Variants in SLC71A2 observed in about 807,000 individuals in gnomAD.
The protein encoded by SLC71A2 is hippocampus abundant transcript-like 1.
the SLC71A2 span, among the ~76,000 whole-genome samples, chr9:94,431,887 C>T: frequency 3.9e-5 from 6 of 152,208 alleles, no homozygotes; most frequent in Non-Finnish European, 7.3e-5. Context: ...TACCTGGTTC[C>T]AGCTTCAGGA....
chr9:94,447,037 G>A, the SLC71A2 span: 8 of 646,610 alleles, frequency 1.2e-5, no homozygotes, highest in Non-Finnish European at 1.9e-5. Flanking sequence ...GAAAAAACAT[G>A]TGAACTTGCT....
At chr9:94,392,692 G>T in the SLC71A2 span, among the ~76,000 whole-genome samples, 3 of 152,062 alleles carry the variant, frequency 2.0e-5, no homozygotes, top group African/African-American at 7.2e-5. Flanking sequence ...GTAGAGACGG[G>T]GTTTCACCAT....
the SLC71A2 span, among the ~76,000 whole-genome samples, chr9:94,450,528 C>A: frequency 9.3e-5 from 8 of 85,870 alleles, no homozygotes; most frequent in African/African-American, 4.6e-4. Flanking sequence ...CTCACTTTGT[C>A]GCCCAGGCTG....
At chr9:94,389,526 G>A in the SLC71A2 span, among the ~76,000 whole-genome samples, 71,428 of 148,634 alleles carry the variant, frequency 0.48, 17,460 homozygotes, top group East Asian at 0.59. Flanking sequence ...TGTTCTGCCC[G>A]CCTTGGCCTC....
At chr9:94,430,063 C>T in the SLC71A2 span, among the ~76,000 whole-genome samples, 8 of 151,524 alleles carry the variant, frequency 5.3e-5, no homozygotes, top group Admixed American at 1.3e-4. Flanking sequence ...CACCACCACG[C>T]CCAGCTGATT....
the SLC71A2 span, among the ~76,000 whole-genome samples, chr9:94,384,472 T>TGA: frequency 5.7e-4 from 87 of 152,034 alleles, no homozygotes; most frequent in African/African-American, 1.9e-3. Context: ...CCCAAGTAGC[T>TGA]GAGAGTACAG....
chr9:94,441,492 AC>A, the SLC71A2 span, among the ~76,000 whole-genome samples: 1 of 152,100 alleles, frequency 6.6e-6, no homozygotes, highest in African/African-American at 2.4e-5. Context: ...ATGAGAAACT[AC>A]CCCCATGATC....
chr9:94,407,553 A>T, the SLC71A2 span, among the ~76,000 whole-genome samples: 2 of 151,964 alleles, frequency 1.3e-5, no homozygotes, highest in South Asian at 4.2e-4. Context: ...TAATTTTTGT[A>T]TTCTTGGAAG....
the SLC71A2 span, chr9:94,441,030 G>A: frequency 1.5e-5 from 24 of 1,610,912 alleles, no homozygotes; most frequent in South Asian, 1.2e-4. Context: ...TCTCGGTCAC[G>A]TTTTCTGTTA....
the SLC71A2 span, chr9:94,458,461 G>A: frequency 1.2e-6 from 2 of 1,613,568 alleles, no homozygotes; most frequent in Non-Finnish European, 8.5e-7. Flanking sequence ...ACGTTCCCCT[G>A]CAGGTAATTT....
the SLC71A2 span, chr9:94,460,804 G>T: frequency 6.6e-6 from 1 of 152,256 alleles, no homozygotes; most frequent in African/African-American, 2.4e-5. Flanking sequence ...ACATTTAAAA[G>T]AAAATATATT....
At chr9:94,452,082 C>T in the SLC71A2 span, among the ~76,000 whole-genome samples, 26 of 152,182 alleles carry the variant, frequency 1.7e-4, no homozygotes, top group Non-Finnish European at 3.4e-4. Context: ...GAATATTTGT[C>T]GTAACCTCTG....
chr9:94,382,201 A>AT, the SLC71A2 span, among the ~76,000 whole-genome samples: 1 of 151,468 alleles, frequency 6.6e-6, no homozygotes, highest in African/African-American at 2.4e-5. Context: ...TAATTTTTTA[A>AT]TTTTTTATAG....
At chr9:94,453,401 G>T in the SLC71A2 span, among the ~76,000 whole-genome samples, 1 of 152,070 alleles carries the variant, frequency 6.6e-6, no homozygotes, top group African/African-American at 2.4e-5. Flanking sequence ...GCTTGCCTCG[G>T]CCTCCCAAAG....
the SLC71A2 span, among the ~76,000 whole-genome samples, chr9:94,446,261 C>G: frequency 8.5e-5 from 13 of 152,188 alleles, no homozygotes; most frequent in African/African-American, 2.9e-4. Flanking sequence ...CCATTTTGTT[C>G]TATTCAACAA....
At chr9:94,400,320 A>T in the SLC71A2 span, among the ~76,000 whole-genome samples, 1 of 152,042 alleles carries the variant, frequency 6.6e-6, no homozygotes, top group Admixed American at 6.6e-5. Flanking sequence ...TCTCATTGTC[A>T]AATGGTGATT....
the SLC71A2 span, among the ~76,000 whole-genome samples, chr9:94,386,587 C>G: frequency 6.6e-5 from 10 of 152,138 alleles, no homozygotes; most frequent in South Asian, 8.3e-4. Context: ...CTGGGCTTCT[C>G]TCTCTCTCTC....
the SLC71A2 span, among the ~76,000 whole-genome samples, chr9:94,419,698 C>A: frequency 0.062 from 9,486 of 152,086 alleles, 444 homozygotes; most frequent in African/African-American, 0.13. Flanking sequence ...CCTCAGCTTC[C>A]CAAAGCATTG....
chr9:94,452,037 T>C, the SLC71A2 span, among the ~76,000 whole-genome samples: 1 of 152,198 alleles, frequency 6.6e-6, no homozygotes, highest in Non-Finnish European at 1.5e-5. Context: ...AAAGATGATT[T>C]AGGAGAACTT....
Sources: gnomAD v4.1 joint callset for allele counts (sites outside exome capture counted in the v4.1 genomes callset) on GRCh38, gnomAD v4.1.1 for gene constraint, MANE v1.5 for transcripts, NCBI Gene and HGNC (gene_info 2026-07-23, HGNC 2026-07-21) for gene names.